The following DIP2B variants were observed in gnomAD, a reference collection of about 807,000 sequenced individuals.
DIP2B encodes the protein disco-interacting protein 2 homolog B.
A neutral mutation model predicts 198.0 loss-of-function variants in DIP2B; 76 were observed. That is an observed-to-expected ratio of 0.38 (90% CI 0.32 to 0.46). DIP2B has a LOEUF of 0.46. DIP2B is among the 20% of genes least tolerant of loss of function. The pLI, the probability that DIP2B is intolerant of heterozygous loss-of-function variation, is 0.99. For synonymous variants in DIP2B, 701 were observed against 739.1 expected (o/e 0.95, Z 0.84); for missense variants, 1,559 against 1,978.4 (o/e 0.79, Z 4.02).
intron 3 of DIP2B, among the ~76,000 whole-genome samples, chr12:50,642,197 G>C (rs1325254503): frequency 1.3e-5 from 2 of 152,158 alleles, no homozygotes; most frequent in Non-Finnish European, 2.9e-5. Context: ...CTTGCTCAGA[G>C]AACAAAGACA....
chr12:50,715,854 A>T (rs1180805824), intron 23 of DIP2B, among the ~76,000 whole-genome samples: 2 of 152,246 alleles, frequency 1.3e-5, no homozygotes, highest in African/African-American at 2.4e-5. Context: ...GAAGAATAGG[A>T]TACTGGAATT....
At chr12:50,732,251 G>A in intron 31 of DIP2B, 115 bp from the exon 32 acceptor site, 1 of 1,140,604 alleles carries the variant, frequency 8.8e-7, no homozygotes. Flanking sequence ...TGTGCCTGAG[G>A]TGAGAATACA....
In DIP2B at chr12:50,698,384, T is replaced by G; in HGVS notation, c.2105T>G (p.Leu702Trp). ...PGRAILSMNG[L>W]SYGVIRVNTE... ...AGAGCCATTCTCTCAATGAATGGAT[T>G]GAGCTATGGGGTAATACGGGTCAAT... The change falls in exon 18 of 38, where the codon TTG becomes TGG. Residue 702 changes from leucine to tryptophan, a missense_variant. Transcript: ENST00000301180. 8.1e-6 allele frequency: 13 copies of G among 1,614,008 alleles called. No individual in the cohort carries two copies. The highest frequency in any genetic ancestry group is 1.1e-5 in the Non-Finnish European group (13 of 1,179,936).
chr12:50,561,714 T>C (rs1958520654), intron 1 of DIP2B, among the ~76,000 whole-genome samples: 1 of 152,204 alleles, frequency 6.6e-6, no homozygotes, highest in African/African-American at 2.4e-5. Context: ...TTCAAGTGAT[T>C]CTTGTGCCTC....
At chr12:50,624,544 G>A (rs1310225596) in intron 1 of DIP2B, among the ~76,000 whole-genome samples, 2 of 152,112 alleles carry the variant, frequency 1.3e-5, no homozygotes, top group Non-Finnish European at 2.9e-5. Context: ...GTGTTGGCCA[G>A]GTTGGTCTTG....
At chr12:50,597,985 G>A (rs1211500518) in intron 1 of DIP2B, among the ~76,000 whole-genome samples, 3 of 152,084 alleles carry the variant, frequency 2.0e-5, no homozygotes, top group African/African-American at 4.8e-5. Context: ...TGAACTGAAC[G>A]GGGTCACACT....
chr12:50,542,406 T>C (rs1262888081), intron 1 of DIP2B, among the ~76,000 whole-genome samples: 3 of 152,208 alleles, frequency 2.0e-5, no homozygotes, highest in Non-Finnish European at 4.4e-5. Context: ...TTTCCTGTCT[T>C]AATTTTCTCT....
At chr12:50,693,342 C>T (rs1939252557) in intron 14 of DIP2B, among the ~76,000 whole-genome samples, 1 of 152,140 alleles carries the variant, frequency 6.6e-6, no homozygotes, top group South Asian at 2.1e-4. Context: ...GAAGAAGTGA[C>T]AGCTGAGTTG....
At chr12:50,561,737 A>T (rs1958520818) in intron 1 of DIP2B, among the ~76,000 whole-genome samples, 1 of 152,170 alleles carries the variant, frequency 6.6e-6, no homozygotes, top group Non-Finnish European at 1.5e-5. Flanking sequence ...CCTCCTGAGT[A>T]GCTGGGATTA....
intron 1 of DIP2B, among the ~76,000 whole-genome samples, chr12:50,547,999 T>G (rs1258565544): frequency 1.3e-5 from 2 of 152,108 alleles, no homozygotes; most frequent in Non-Finnish European, 2.9e-5. Flanking sequence ...AGCCTAGTAG[T>G]CCAAGGCTGC....
intron 12 of DIP2B, chr12:50,686,890 G>A (rs2731446): frequency 0.98 from 374,444 of 381,664 alleles, 184,066 homozygotes; most frequent in East Asian, 1. Context: ...AGAGAATGAC[G>A]GCAAAAAAAA....
chr12:50,696,222 G>T (rs893457796), intron 16 of DIP2B, among the ~76,000 whole-genome samples: 1 of 152,126 alleles, frequency 6.6e-6, no homozygotes, highest in Admixed American at 6.5e-5. Context: ...AGCCCTAGAT[G>T]ACTGCTAATC....
intron 1 of DIP2B, among the ~76,000 whole-genome samples, chr12:50,625,573 GCAGT>G (rs898475908): frequency 6.6e-6 from 1 of 152,176 alleles, no homozygotes; most frequent in Non-Finnish European, 1.5e-5. Flanking sequence ...GGTTCGTATA[GCAGT>G]ATAAGTGAAT....
intron 4 of DIP2B, among the ~76,000 whole-genome samples, chr12:50,661,839 T>A (rs1026140086): frequency 6.6e-6 from 1 of 152,206 alleles, no homozygotes; most frequent in African/African-American, 2.4e-5. Context: ...CAAAGCTGTA[T>A]CAAAGACATG....
intron 25 of DIP2B, among the ~76,000 whole-genome samples, chr12:50,719,712 G>T (rs898858008): frequency 6.6e-6 from 1 of 151,510 alleles, no homozygotes; most frequent in Non-Finnish European, 1.5e-5. Context: ...GTGGTGGCGG[G>T]CACCTGTAAT....
At chr12:50,553,142 A>G (rs572501917) in intron 1 of DIP2B, among the ~76,000 whole-genome samples, 68 of 152,192 alleles carry the variant, frequency 4.5e-4, no homozygotes, top group African/African-American at 1.4e-3. Context: ...GGCCTGAGTT[A>G]GTTTTCTATA....
intron 9 of DIP2B, among the ~76,000 whole-genome samples, chr12:50,681,320 C>G (rs7969251): frequency 0.07 from 10,678 of 151,810 alleles, 749 homozygotes; most frequent in East Asian, 0.32. Context: ...CCTGTAGTCC[C>G]AGCTACTCGG....
chr12:50,556,858 C>T (rs903880213), intron 1 of DIP2B, among the ~76,000 whole-genome samples: 1 of 152,108 alleles, frequency 6.6e-6, no homozygotes, highest in Admixed American at 6.6e-5. Flanking sequence ...TACAGGCATT[C>T]GCCACCACAC....
chr12:50,608,112 A>C (rs1958999890), intron 1 of DIP2B, among the ~76,000 whole-genome samples: 1 of 152,166 alleles, frequency 6.6e-6, no homozygotes, highest in Non-Finnish European at 1.5e-5. Context: ...TTATTTTCAA[A>C]TAAGCTGTAG....
Sources: allele counts gnomAD v4.1 joint callset (sites outside exome capture counted in the v4.1 genomes callset), GRCh38; gene constraint gnomAD v4.1.1; transcripts MANE v1.5; gene names NCBI Gene and HGNC (gene_info 2026-07-23, HGNC 2026-07-21).